HJURP: variants seen among roughly 807,000 people sequenced by gnomAD.
HJURP encodes 14-3-3-associated AKT substrate.
A neutral mutation model predicts 72.0 loss-of-function variants in HJURP; 49 were observed. The ratio of observed to expected loss-of-function variants is 0.68; its 90% CI spans 0.54 to 0.86. The LOEUF (loss-of-function observed/expected upper bound fraction) is 0.86. HJURP is among the 40% of genes least tolerant of loss of function. HJURP has a pLI of 0.00. For missense variants in HJURP, 908 were observed against 936.3 expected (o/e 0.97, Z 0.39); for synonymous variants, 357 against 347.1 (o/e 1.03, Z -0.32).
intron 4 of HJURP, among the ~76,000 whole-genome samples, chr2:233,848,445 A>C (rs1705420306): frequency 6.6e-6 from 1 of 152,190 alleles, no homozygotes; most frequent in Non-Finnish European, 1.5e-5. Flanking sequence ...GCTTGACCAC[A>C]TTCACAGGGG....
intron 7 of HJURP, 67 bp downstream of exon 7, chr2:233,844,138 G>C (rs2124966942): frequency 7.8e-7 from 1 of 1,285,828 alleles, no homozygotes; most frequent in South Asian, 1.2e-5. Flanking sequence ...AGCTCTGAGG[G>C]GCCACGCAGC....
chr2:233,844,243 G>C lies in HJURP; in HGVS notation c.536C>G (p.Pro179Arg). ...NRAGRDVRVT[P>R]LPSLASPAVP... Reference sequence around the variant, plus strand: ...GGCAGGTGAGGCCAGTGAAGGCAGCGGAGTCACACGTACATCCCTTCCAGC... The same window carrying C: ...GGCAGGTGAGGCCAGTGAAGGCAGCCGAGTCACACGTACATCCCTTCCAGC... Residue 179 changes from proline (P) to arginine (R), a missense_variant, in exon 7 of 9, where the codon CCG becomes CGG. Transcript: ENST00000411486. The C allele has an allele frequency of 6.2e-7, 1 of 1,614,128 alleles. No homozygotes were observed. Among genetic ancestry groups the C allele is most frequent in the Non-Finnish European group, 8.5e-7 (1 of 1,180,002 alleles).
Position 233,847,603 on chromosome 2 carries a change from T to C in HJURP, c.338-142A>G, listed in dbSNP as rs546702155. On this transcript the variant is annotated intron_variant, in intron 4 of 8. Coordinates refer to ENST00000411486, the MANE Select transcript of HJURP (RefSeq NM_018410.5). ...CAAGGGTGCACCCACTGGAGCCATC[T>C]ACGGCTGCCCGTGGTTCTTAGTAAC... 19 of 708,718 alleles carry C rather than the reference T, an allele frequency of 2.7e-5. No individual in the cohort carries two copies. The African/African-American group carries it at 3.1e-4, about 12-fold the overall frequency. The allele number at this position is 708,718 out of a possible 1,614,324, so 43.9% of individuals were successfully genotyped here.
Position 233,854,491 on chromosome 2 carries a change from TACCCAGCATCGG to T in HJURP, c.-3_9del. ...TCCTCGCCCTCCATGGCGCGCAGCGTACCCAGCATCGGACCCAGCCAGTACCCAAGCGCCAAC... is the reference window on the plus strand; with the variant it reads ...TCCTCGCCCTCCATGGCGCGCAGCGTACCCAGCCAGTACCCAAGCGCCAAC... On this transcript the variant is annotated start_lost and 5_prime_UTR_variant, in exon 1 of 9. Coordinates refer to ENST00000411486, the MANE Select transcript of HJURP (RefSeq NM_018410.5). The T allele has an allele frequency of 6.2e-7, 1 of 1,611,194 alleles. No homozygotes were observed. Among genetic ancestry groups the T allele is most frequent in the Non-Finnish European group, 8.5e-7 (1 of 1,178,594 alleles).
Position 233,837,670 on chromosome 2 carries a change from CAAA to C in HJURP, c.2172-21_2172-19del, listed in dbSNP as rs770364503. ...TCTCTCCTCTAGGAAAAAAAAAAGA[CAAA>C]GAAAATGATGTTAGCAAAATTCTAG... On this transcript the variant is annotated intron_variant, in intron 8 of 8. Transcript: ENST00000411486. The C allele has an allele frequency of 6.5e-7, 1 of 1,535,628 alleles. No individual in the cohort carries two copies.
At position 233,836,883 on chromosome 2, in the gene HJURP, CCTT is replaced by C. The variant is rs1309421682; in HGVS notation, c.*691_*693del. ...TGGGACCACCAGGACTGTTTATTTT[CCTT>C]CAAGGGTCATTGCATGCAGGGCTCG... On this transcript the variant is annotated 3_prime_UTR_variant, in exon 9 of 9. Transcript: ENST00000411486. The C allele has an allele frequency of 6.6e-6, 1 of 152,254 alleles. No individual in the cohort carries two copies. Among genetic ancestry groups the C allele is most frequent in the Non-Finnish European group, 1.5e-5 (1 of 68,074 alleles). 9.4% of individuals were successfully genotyped at this position (152,254 alleles called of 1,614,324 possible). A position where few individuals can be genotyped will look rare whatever the true frequency, so the allele number is the denominator to read the frequency against.
Position 233,837,561 on chromosome 2 carries a change from C to T in HJURP, c.*16G>A, listed in dbSNP as rs773623330. ...AGAGCAAGTGGGAAGATAAATAACA[C>T]TCCGAAATAACCTAGCTACACACTT... is the stretch of plus-strand genomic sequence containing the variant. On this transcript the variant is annotated 3_prime_UTR_variant, in exon 9 of 9. Transcript: ENST00000411486. 6 of 1,558,626 alleles carry T rather than the reference C, an allele frequency of 3.8e-6. No individual in the cohort carries two copies. The highest frequency in any genetic ancestry group is 1.4e-5 in the African/African-American group (1 of 73,728).
chr2:233,844,350 T>C, intron 6 of HJURP, 67 bp from the exon 7 acceptor site: 1 of 1,229,264 alleles, frequency 8.1e-7, no homozygotes, highest in Non-Finnish European at 1.2e-6. Context: ...AGGAGCTGGG[T>C]TCTCCCCTGA....
chr2:233,852,686 G>T, intron 2 of HJURP, 66 bp from the exon 3 acceptor site: 4 of 1,204,194 alleles, frequency 3.3e-6, no homozygotes, highest in Non-Finnish European at 3.7e-6. Flanking sequence ...CTCAATCTGT[G>T]TTCACCAGAT....
chr2:233,839,563 A>G (rs1465557193), intron 8 of HJURP, among the ~76,000 whole-genome samples: 1 of 152,236 alleles, frequency 6.6e-6, no homozygotes, highest in African/African-American at 2.4e-5. Context: ...GGTCTCTGCC[A>G]TGCACAGGCG....
intron 8 of HJURP, among the ~76,000 whole-genome samples, chr2:233,838,724 G>C (rs1244472476): frequency 6.6e-6 from 1 of 150,722 alleles, no homozygotes; most frequent in African/African-American, 2.5e-5. Context: ...TTTCAACTGA[G>C]AAGGAGACTC....
At position 233,849,849 on chromosome 2, in the gene HJURP, A is replaced by G. The variant is rs1051944974; in HGVS notation, c.251T>C (p.Met84Thr). 9.7e-6 allele frequency: 15 copies of G among 1,550,208 alleles called. No individual in the cohort carries two copies. Among genetic ancestry groups the G allele is most frequent in the Non-Finnish European group, 1.2e-5 (14 of 1,145,534 alleles). The change falls in exon 4 of 9, where the codon ATG becomes ACG. Residue 84 changes from methionine (M) to threonine (T), a missense_variant. Met to Thr is a moderately conservative substitution (Grantham distance 81). Coordinates refer to ENST00000411486, the MANE Select transcript of HJURP (RefSeq NM_018410.5). ...GCCATCTGTCCTGTCCGCGGGCTTC[A>G]TGGAGGAGTCCTCCAAGTGCAGAAG... ...RNEGEIQDSS[M>T]KPADRTDGSV... is the part of the protein sequence containing the mutation.
At position 233,840,699 on chromosome 2, in the gene HJURP, T is replaced by C; in HGVS notation, c.2081A>G (p.Gln694Arg). The change falls in exon 8 of 9, where the codon CAG becomes CGG. Residue 694 changes from glutamine to arginine, a missense_variant. By Grantham distance (43) the Gln-to-Arg change is conservative. Coordinates refer to ENST00000411486, the MANE Select transcript of HJURP (RefSeq NM_018410.5). The part of the protein sequence containing the change: ...RLSEPQGSGR[Q>R]GNSLGASDGV... ...ATCTGAGGCACCCAGGGAATTGCCC[T>C]GGCGTCCGGAGCCCTGGGGTTCTGA... The C allele has an allele frequency of 6.2e-7, 1 of 1,614,124 alleles. No individual in the cohort carries two copies. The highest frequency in any genetic ancestry group is 8.5e-7 in the Non-Finnish European group (1 of 1,180,014).
rs201695162 is a variant in HJURP at position 233,842,134 on chromosome 2, C to A, written c.646G>T (p.Asp216Tyr). The change falls in exon 8 of 9, where the codon GAT becomes TAT. Residue 216 changes from aspartate (D) to tyrosine (Y), a missense_variant. Physicochemically the swap from Asp to Tyr is radical, Grantham distance 160. Coordinates refer to ENST00000411486, the MANE Select transcript of HJURP (RefSeq NM_018410.5). Reference protein sequence around the residue: ...AKPASSPREWDPLHPSSTDMA... With the variant: ...AKPASSPREWYPLHPSSTDMA... ...TCTGTGGAGGAAGGATGCAAAGGAT[C>A]CCATTCTCTGGGAGATGAAGCTGGT... 5.6e-6 allele frequency: 9 copies of A among 1,613,906 alleles called. No individual in the cohort carries two copies. Among genetic ancestry groups the A allele is most frequent in the Middle Eastern group, 3.3e-4 (2 of 6,084 alleles).
At position 233,840,673 on chromosome 2, in the gene HJURP, C is replaced by T; in HGVS notation, c.2107G>A (p.Gly703Arg). The T allele has an allele frequency of 6.2e-7, 1 of 1,613,776 alleles. No individual in the cohort carries two copies. Among genetic ancestry groups the T allele is most frequent in the South Asian group, 1.1e-5 (1 of 91,044 alleles). ...CCCGGTCTGACGGTGTTGTCCACCC[C>T]ATCTGAGGCACCCAGGGAATTGCCC... The part of the protein sequence containing the change: ...RQGNSLGASD[G>R]VDNTVRPGDQ... The change falls in exon 8 of 9, where the codon GGG becomes AGG. Residue 703 changes from glycine (G) to arginine (R), a missense_variant. By Grantham distance (125) the Gly-to-Arg change is moderately radical. This residue lies in a region of HJURP where 598 missense variants were observed against 619.5 expected (regional missense o/e 0.97). Coordinates refer to ENST00000411486, the MANE Select transcript of HJURP (RefSeq NM_018410.5).
At position 233,846,001 on chromosome 2, in the gene HJURP, C is replaced by A. The variant is rs1705352254; in HGVS notation, c.403-181G>T. 8 of 531,672 alleles carry A rather than the reference C, an allele frequency of 1.5e-5. No individual in the cohort carries two copies. In the Middle Eastern group the frequency reaches 8.6e-4, roughly 57 times the overall value. The allele number at this position is 531,672 out of a possible 1,614,324, so 32.9% of individuals were successfully genotyped here. A position where few individuals can be genotyped will look rare whatever the true frequency, so the allele number is the denominator to read the frequency against. On this transcript the variant is annotated intron_variant, in intron 5 of 8. Coordinates refer to ENST00000411486, the MANE Select transcript of HJURP (RefSeq NM_018410.5). This position sits in a 1 kb window ranked among gnomAD's most constrained non-coding sequence, Gnocchi z 4.3. ...TTTCACTTCCTGCTATGTTAATAAT[C>A]CAAAAGAATGTAAAAAGACACACAC...
At chr2:233,848,497 G>A (rs1171845428) in intron 4 of HJURP, among the ~76,000 whole-genome samples, 2 of 152,334 alleles carry the variant, frequency 1.3e-5, no homozygotes, top group African/African-American at 4.8e-5. Flanking sequence ...TTGGAGGCTG[G>A]TGCTCAGCGG....
At chr2:233,844,064 G>GTA in intron 7 of HJURP, 141 bp downstream of exon 7, 1 of 656,232 alleles carries the variant, frequency 1.5e-6, no homozygotes, top group East Asian at 2.6e-5. Context: ...TGAAATCCAA[G>GTA]TATATCTCTA....
chr2:233,849,968 A>G (rs693637), intron 3 of HJURP, 109 bp from the exon 4 acceptor site: 117,350 of 680,198 alleles, frequency 0.17, 11,004 homozygotes, highest in African/African-American at 0.28. Flanking sequence ...GGAGACAGCA[A>G]GAGCCTGCCA....
Sources: allele counts gnomAD v4.1 joint callset (sites outside exome capture counted in the v4.1 genomes callset), GRCh38; gene constraint gnomAD v4.1.1; regional missense constraint gnomAD v4.1.1; non-coding constraint Gnocchi (gnomAD v3.1); transcripts MANE v1.5; gene names NCBI Gene and HGNC (gene_info 2026-07-23, HGNC 2026-07-21).